AXDND1: variants seen among roughly 807,000 people sequenced by gnomAD.
AXDND1 encodes axonemal dynein light chain domain containing 1.
In AXDND1, 110 loss-of-function variants were observed where a neutral mutation model predicts 137.5. The ratio of observed to expected loss-of-function variants is 0.80; its 90% confidence interval spans 0.69 to 0.94. The LOEUF (loss-of-function observed/expected upper bound fraction) is 0.94, where lower values mean the gene tolerates loss of function less well. Ranked by LOEUF, AXDND1 falls within the 40% of genes least tolerant of loss-of-function variation. The pLI, the probability that AXDND1 is intolerant of heterozygous loss-of-function variation, is 0.00. For missense variants in AXDND1, 1,191 were observed against 1,169.8 expected, an observed-to-expected ratio of 1.02 and a Z score of -0.26; for synonymous variants, 414 against 399.7, an observed-to-expected ratio of 1.04 and a Z score of -0.43.
At chr1:179,492,162 C>T (rs1304893942) in intron 19 of AXDND1, among the ~76,000 whole-genome samples, 1 of 152,132 alleles carries the variant, frequency 6.6e-6, no homozygotes, top group African/African-American at 2.4e-5. Context: ...CAGCCTCCAC[C>T]TCCCAGGCTC....
rs1384550186 is a variant in AXDND1 at position 179,385,454 on chromosome 1, T to G, written c.863+95T>G. 4 of 1,400,898 alleles carry G rather than the reference T, an allele frequency of 2.9e-6. No individual in the cohort carries two copies. In the African/African-American group the frequency reaches 4.3e-5, roughly 15 times the overall value. The allele number at this position is 1,400,898 out of a possible 1,614,324, so 86.8% of individuals were successfully genotyped here. ...TTTGAGAATGCCACAAAAGTGCACT[T>G]CTCTATTCTACTGATCGTAAGTAAT... On this transcript the variant is annotated intron_variant, in intron 9 of 25. Transcript: ENST00000367618.
chr1:179,485,584 A>G (rs1665943732), intron 18 of AXDND1, among the ~76,000 whole-genome samples: 1 of 152,218 alleles, frequency 6.6e-6, no homozygotes, highest in African/African-American at 2.4e-5. Context: ...ATCAGCTCAC[A>G]AAGATTAGAA....
At chr1:179,447,899 G>A in intron 16 of AXDND1, 2 of 1,364,828 alleles carry the variant, frequency 1.5e-6, no homozygotes, top group Non-Finnish European at 1.0e-6. Flanking sequence ...ACATTTCTAT[G>A]TAATATGGTT....
chr1:179,444,081 T>G (rs555399808), intron 15 of AXDND1, among the ~76,000 whole-genome samples: 1 of 151,632 alleles, frequency 6.6e-6, no homozygotes, highest in East Asian at 1.9e-4. Flanking sequence ...ACTTTTTATC[T>G]GGAGGTTTTG....
chr1:179,414,268 A>C (rs908293502), intron 12 of AXDND1, among the ~76,000 whole-genome samples: 1 of 152,070 alleles, frequency 6.6e-6, no homozygotes, highest in Admixed American at 6.5e-5. Flanking sequence ...TAAATTTAAT[A>C]AGAAGGGATA....
intron 17 of AXDND1, among the ~76,000 whole-genome samples, chr1:179,470,884 G>T (rs4372213): frequency 0.55 from 83,453 of 151,842 alleles, 23,218 homozygotes; most frequent in East Asian, 0.76. Context: ...ATTTGTGGGT[G>T]TTTCCTAGAT....
chr1:179,435,826 A>C (rs571742343), intron 15 of AXDND1, among the ~76,000 whole-genome samples: 1 of 152,242 alleles, frequency 6.6e-6, no homozygotes, highest in Non-Finnish European at 1.5e-5. Context: ...ACAAAAACCA[A>C]AATTGACAAA....
At position 179,429,629 on chromosome 1, in the gene AXDND1, A is replaced by G. The variant is rs776746576; in HGVS notation, c.1332+10A>G. On this transcript the variant is annotated intron_variant, in intron 13 of 25. Transcript: ENST00000367618. ...ACTGCTATCAAACAAGGTAAAGGTC[A>G]ATTATCTTCAGTTATGGGAAAAAAA... 11 of 1,498,968 alleles carry G rather than the reference A, an allele frequency of 7.3e-6. No homozygotes were observed. Among genetic ancestry groups the G allele is most frequent in the Non-Finnish European group, 8.1e-6 (9 of 1,113,356 alleles). The allele number at this position is 1,498,968 out of a possible 1,614,324, so 92.9% of individuals were successfully genotyped here. A position where few individuals can be genotyped will look rare whatever the true frequency, so the allele number is the denominator to read the frequency against.
chr1:179,511,328 T>TAC (rs909025760), intron 21 of AXDND1, among the ~76,000 whole-genome samples: 4 of 133,734 alleles, frequency 3.0e-5, no homozygotes, highest in Admixed American at 2.3e-4. Flanking sequence ...AATATGATTT[T>TAC]ATATATATAT....
intron 12 of AXDND1, among the ~76,000 whole-genome samples, chr1:179,423,875 G>A (rs370991960): frequency 2.6e-5 from 4 of 152,060 alleles, no homozygotes; most frequent in African/African-American, 9.7e-5. Context: ...GTTATGAGTG[G>A]ATTACACACT....
Position 179,534,824 on chromosome 1 carries a change from G to A in AXDND1, c.2893G>A (p.Glu965Lys), listed in dbSNP as rs1327174262. ...HTLIKNKDLE[E>K]LVMTSRKESK... is the part of the protein sequence containing the mutation. ...CCTTATAAAAAATAAAGATCTAGAG[G>A]AATTAGTCATGACATCAAGAAAGGA... Residue 965 changes from glutamate to lysine, a missense_variant, in exon 25 of 26, where the codon GAA becomes AAA. Physicochemically the swap from Glu to Lys is moderately conservative, Grantham distance 56. Transcript: ENST00000367618. 1 of 1,609,626 alleles carries A rather than the reference G, an allele frequency of 6.2e-7. No individual in the cohort carries two copies. The highest frequency in any genetic ancestry group is 8.5e-7 in the Non-Finnish European group (1 of 1,179,086).
intron 14 of AXDND1, among the ~76,000 whole-genome samples, chr1:179,431,648 AC>A (rs1264963158): frequency 2.7e-5 from 4 of 150,398 alleles, no homozygotes; most frequent in Non-Finnish European, 5.9e-5. Flanking sequence ...AGTTTTTCAT[AC>A]CCCCTTAAAG....
chr1:179,483,416 G>T (rs1244802792), intron 18 of AXDND1, among the ~76,000 whole-genome samples, 195 bp downstream of exon 18: 1 of 152,192 alleles, frequency 6.6e-6, no homozygotes, highest in Non-Finnish European at 1.5e-5. Flanking sequence ...ATGAAGTTTT[G>T]CAATTGAAGA....
chr1:179,391,683 T>G (rs1299371084), intron 9 of AXDND1, among the ~76,000 whole-genome samples: 1 of 151,928 alleles, frequency 6.6e-6, no homozygotes, highest in Non-Finnish European at 1.5e-5. Flanking sequence ...ATTACAAGTA[T>G]GCATTACCAT....
intron 12 of AXDND1, among the ~76,000 whole-genome samples, chr1:179,421,360 T>C (rs974024845): frequency 1.4e-5 from 2 of 145,422 alleles, no homozygotes; most frequent in African/African-American, 5.1e-5. Context: ...CTTTTCTTTT[T>C]CTTTTCCTTT....
At chr1:179,537,779 CTT>C (rs1254655692) in intron 25 of AXDND1, among the ~76,000 whole-genome samples, 1 of 152,166 alleles carries the variant, frequency 6.6e-6, no homozygotes, top group East Asian at 1.9e-4. Context: ...ACCTGCTCCT[CTT>C]TGTACCTCTG....
At chr1:179,384,349 C>G (rs1399460893) in intron 8 of AXDND1, among the ~76,000 whole-genome samples, 1 of 152,092 alleles carries the variant, frequency 6.6e-6, no homozygotes, top group African/African-American at 2.4e-5. Flanking sequence ...GGATATATTT[C>G]CTACAAACAA....
rs571251597 is a variant in AXDND1, at chr1:179,483,838, T to A, written c.2091+617T>A. Among the ~76,000 whole-genome samples the A allele has an allele frequency of 3.9e-5, 6 of 152,334 alleles. No homozygotes were observed. The South Asian group carries it at 1.0e-3, about 26-fold the overall frequency. ...TAAACTCCATGAGGAATTATGTGTA[T>A]CCTGTGTATCCATATTAACTCTTAT... On this transcript the variant is annotated intron_variant, in intron 18 of 25. Coordinates refer to ENST00000367618, the MANE Select transcript of AXDND1 (RefSeq NM_144696.6).
intron 9 of AXDND1, among the ~76,000 whole-genome samples, chr1:179,387,386 C>T (rs768562579): frequency 1.3e-5 from 2 of 152,054 alleles, no homozygotes; most frequent in South Asian, 2.1e-4. Context: ...TCCACTTGTG[C>T]GATAATGACC....
Sources: gnomAD v4.1 joint callset for allele counts (sites outside exome capture counted in the v4.1 genomes callset) on GRCh38, gnomAD v4.1.1 for gene constraint, MANE v1.5 for transcripts, NCBI Gene and HGNC (gene_info 2026-07-23, HGNC 2026-07-21) for gene names.